Variants in STK32B observed in about 807,000 individuals in gnomAD.
The protein encoded by STK32B is serine/threonine kinase 32B.
Under a neutral mutation model 52.6 loss-of-function variants are expected in STK32B, and 43 were observed. The ratio of observed to expected loss-of-function variants is 0.82; its 90% confidence interval spans 0.64 to 1.05. The LOEUF (loss-of-function observed/expected upper bound fraction) is 1.05. Ranked by LOEUF, STK32B falls within the 50% of genes least tolerant of loss-of-function variation. STK32B has a pLI of 0.00. For missense variants in STK32B, 621 were observed against 534.6 expected (o/e 1.16, Z -1.59); for synonymous variants, 238 against 204.3 (o/e 1.17, Z -1.41).
intron 3 of STK32B, among the ~76,000 whole-genome samples, chr4:5,280,764 T>G (rs903479313): frequency 6.6e-6 from 1 of 151,790 alleles, no homozygotes; most frequent in Non-Finnish European, 1.5e-5. Context: ...CCAGGCATGG[T>G]GGTGGGTGCC....
intron 11 of STK32B, among the ~76,000 whole-genome samples, chr4:5,477,239 G>C (rs1718307771): frequency 6.6e-6 from 1 of 152,088 alleles, no homozygotes; most frequent in Admixed American, 6.6e-5. Flanking sequence ...TAAGCACACA[G>C]GGGCAACTAG....
chr4:5,144,829 C>A (rs187024222), intron 2 of STK32B, among the ~76,000 whole-genome samples: 2,559 of 150,096 alleles, frequency 0.017, 66 homozygotes, highest in African/African-American at 0.059. Flanking sequence ...TCCATCCATC[C>A]ATCCAACATA....
At chr4:5,210,286 C>T (rs1449579756) in intron 3 of STK32B, among the ~76,000 whole-genome samples, 1 of 151,952 alleles carries the variant, frequency 6.6e-6, no homozygotes, top group Admixed American at 6.6e-5. Flanking sequence ...CATATGAGGT[C>T]TCTCACCCAC....
chr4:5,329,703 G>T (rs73794567), intron 3 of STK32B, among the ~76,000 whole-genome samples: 1,708 of 152,318 alleles, frequency 0.011, 34 homozygotes, highest in African/African-American at 0.031. Flanking sequence ...CAGACAGTAG[G>T]TGTTCCATAA....
intron 1 of STK32B, among the ~76,000 whole-genome samples, chr4:5,070,636 G>C (rs748473417): frequency 6.6e-6 from 1 of 152,140 alleles, no homozygotes; most frequent in Non-Finnish European, 1.5e-5. Context: ...TACAATCCAA[G>C]TGGTGTCCTT....
intron 3 of STK32B, among the ~76,000 whole-genome samples, chr4:5,224,601 G>T (rs772607951): frequency 1.3e-5 from 2 of 152,124 alleles, no homozygotes; most frequent in African/African-American, 2.4e-5. Context: ...TTTACTCCCT[G>T]GTGGTTTTCC....
chr4:5,193,655 C>G (rs904325739), intron 3 of STK32B, among the ~76,000 whole-genome samples: 1 of 152,210 alleles, frequency 6.6e-6, no homozygotes, highest in Non-Finnish European at 1.5e-5. Context: ...AGCCCATAGC[C>G]TCAGAGGCTT....
chr4:5,231,320 G>A (rs1363838826), intron 3 of STK32B, among the ~76,000 whole-genome samples: 1 of 152,128 alleles, frequency 6.6e-6, no homozygotes, highest in Non-Finnish European at 1.5e-5. Context: ...TGACTTTAGA[G>A]TAGCTCTTAG....
At chr4:5,229,514 A>G (rs1342839529) in intron 3 of STK32B, among the ~76,000 whole-genome samples, 1 of 152,210 alleles carries the variant, frequency 6.6e-6, no homozygotes, top group Non-Finnish European at 1.5e-5. Context: ...CTCCAAAGTC[A>G]GAACTCCCTG....
At chr4:5,093,218 A>G (rs919611508) in intron 1 of STK32B, among the ~76,000 whole-genome samples, 2 of 152,236 alleles carry the variant, frequency 1.3e-5, no homozygotes, top group African/African-American at 4.8e-5. Flanking sequence ...TTACTACCAT[A>G]AAATGTATAC....
At chr4:5,070,951 C>T (rs929156285) in intron 1 of STK32B, among the ~76,000 whole-genome samples, 2 of 152,126 alleles carry the variant, frequency 1.3e-5, no homozygotes, top group African/African-American at 2.4e-5. Context: ...GTGCACTGAG[C>T]GTATAACCTC....
At chr4:5,367,386 C>T (rs563049036) in intron 4 of STK32B, among the ~76,000 whole-genome samples, 1 of 152,218 alleles carries the variant, frequency 6.6e-6, no homozygotes, top group East Asian at 1.9e-4. Context: ...GTGGACTCTG[C>T]ATCAGGTAGA....
At chr4:5,089,970 G>T (rs935579522) in intron 1 of STK32B, among the ~76,000 whole-genome samples, 1 of 152,158 alleles carries the variant, frequency 6.6e-6, no homozygotes, top group Non-Finnish European at 1.5e-5. Flanking sequence ...GATCAGTGAT[G>T]TTGAGCTTTT....
At chr4:5,232,627 G>C (rs1289872390) in intron 3 of STK32B, among the ~76,000 whole-genome samples, 6 of 152,228 alleles carry the variant, frequency 3.9e-5, no homozygotes, top group Admixed American at 1.3e-4. Context: ...GACCCTTCAG[G>C]ATGGTCAGGG....
rs1385054870 is a variant in STK32B at position 5,499,259 on chromosome 4, G to A, written c.*176G>A. 37 of 841,466 alleles carry A rather than the reference G, an allele frequency of 4.4e-5. No individual in the cohort carries two copies. The highest frequency in any genetic ancestry group is 5.7e-5 in the Non-Finnish European group (34 of 598,534). The allele number at this position is 841,466 out of a possible 1,614,324, so 52.1% of individuals were successfully genotyped here. A position where few individuals can be genotyped will look rare whatever the true frequency, so the allele number is the denominator to read the frequency against. ...GGTCCCATCTCCATGACTGATTCAC[G>A]TGTGACCTCAGACAAGTCACGCCCT... On this transcript the variant is annotated 3_prime_UTR_variant, in exon 12 of 12. Coordinates refer to ENST00000282908, the MANE Select transcript of STK32B (RefSeq NM_018401.3).
chr4:5,340,198 G>A (rs116154511), intron 4 of STK32B, among the ~76,000 whole-genome samples: 279 of 152,324 alleles, frequency 1.8e-3, no homozygotes, highest in African/African-American at 6.3e-3. Context: ...AACTTTCTGG[G>A]TGGAACAGGC....
chr4:5,113,131 A>G (rs1714497636), intron 1 of STK32B, among the ~76,000 whole-genome samples: 1 of 152,066 alleles, frequency 6.6e-6, no homozygotes, highest in South Asian at 2.1e-4. Flanking sequence ...TGGTGTTAGG[A>G]GGTGGGGGCC....
chr4:5,466,743 A>G lies in STK32B; in HGVS notation c.950A>G (p.Glu317Gly). 3 of 1,614,012 alleles carry G rather than the reference A, an allele frequency of 1.9e-6. No homozygotes were observed. The highest frequency in any genetic ancestry group is 2.5e-6 in the Non-Finnish European group (3 of 1,179,974). The change falls in exon 10 of 12, where the codon GAG becomes GGG. Residue 317 changes from glutamate to glycine, a missense_variant. By Grantham distance (98) the Glu-to-Gly change is moderately conservative. Coordinates refer to ENST00000282908, the MANE Select transcript of STK32B (RefSeq NM_018401.3). ...TGCGATCCCACATTTGAGCTTGAAGAGATGATTCTAGAATCCAAGCCACTT... is the reference window on the plus strand; with the variant it reads ...TGCGATCCCACATTTGAGCTTGAAGGGATGATTCTAGAATCCAAGCCACTT... ...LNCDPTFELE[E>G]MILESKPLHK...
rs569386566 is a variant in STK32B at position 5,143,500 on chromosome 4, G to A, written c.108+3540G>A. On this transcript the variant is annotated intron_variant, in intron 2 of 11. Transcript: ENST00000282908. ...CACACTTCCTTGTGGGTCAGGAAGGGAGGATGTTCAGTTCTCAAGGCTTGG... is the reference window on the plus strand; with the variant it reads ...CACACTTCCTTGTGGGTCAGGAAGGAAGGATGTTCAGTTCTCAAGGCTTGG... 1.6e-4 allele frequency among the ~76,000 whole-genome samples: 25 copies of A among 152,290 alleles called. 1 individual carries two copies. In the East Asian group the frequency reaches 2.3e-3, roughly 14 times the overall value.
Sources: gnomAD v4.1 joint callset for allele counts (sites outside exome capture counted in the v4.1 genomes callset) on GRCh38, gnomAD v4.1.1 for gene constraint, MANE v1.5 for transcripts, NCBI Gene and HGNC (gene_info 2026-07-23, HGNC 2026-07-21) for gene names.